Variants in TUBGCP6 observed in about 807,000 individuals in gnomAD.
TUBGCP6 encodes the protein tubulin gamma complex component 6.
TUBGCP6 carries 161 observed loss-of-function variants against 175.8 expected under a neutral mutation model. That is an observed-to-expected ratio of 0.92 (90% CI 0.81 to 1.04). The LOEUF (loss-of-function observed/expected upper bound fraction) is 1.04, where lower values mean the gene tolerates loss of function less well. TUBGCP6 is among the 50% of genes least tolerant of loss of function. The pLI is 0.00. For synonymous variants in TUBGCP6, 1,173 were observed against 1,030.5 expected (o/e 1.14, Z -2.65); for missense variants, 2,572 against 2,433.0 (o/e 1.06, Z -1.20).
chr22:50,223,171 G>C lies in TUBGCP6; in HGVS notation c.2271-579C>G, dbSNP rs9617121. On this transcript the variant is annotated intron_variant, in intron 13 of 24. Coordinates refer to ENST00000248846, the MANE Select transcript of TUBGCP6 (RefSeq NM_020461.4). ...CCTGGTTTTCTCCATGTGTTAACAGGACAGTATCGACTGACATACATGCAT... is the reference window on the plus strand; with the variant it reads ...CCTGGTTTTCTCCATGTGTTAACAGCACAGTATCGACTGACATACATGCAT... The C allele has an allele frequency of 6.8e-3, 1,056 of 154,728 alleles. 6 individuals are homozygous for C. Among genetic ancestry groups the C allele is most frequent in the Non-Finnish European group, 0.011 (771 of 69,614 alleles). 9.6% of individuals were successfully genotyped at this position (154,728 alleles called of 1,614,324 possible). A position where few individuals can be genotyped will look rare whatever the true frequency, so the allele number is the denominator to read the frequency against.
intron 3 of TUBGCP6, among the ~76,000 whole-genome samples, chr22:50,230,850 G>A (rs962158319): frequency 3.3e-5 from 5 of 150,058 alleles, no homozygotes; most frequent in Admixed American, 2.0e-4. Flanking sequence ...TTGGGAGGCC[G>A]AAGCAAGCGG....
At chr22:50,242,549 A>G (rs1367775687) in intron 1 of TUBGCP6, among the ~76,000 whole-genome samples, 2 of 152,246 alleles carry the variant, frequency 1.3e-5, no homozygotes, top group East Asian at 3.8e-4. Context: ...AGCATTATGT[A>G]TGTTTCTAAA....
chr22:50,222,332 C>T, intron 14 of TUBGCP6, 122 bp downstream of exon 14: 1 of 1,444,862 alleles, frequency 6.9e-7, no homozygotes, highest in Non-Finnish European at 9.4e-7. Flanking sequence ...GAGTGCTCTG[C>T]CGCAAACGCG....
chr22:50,238,436 A>G (rs2064802333), intron 2 of TUBGCP6, among the ~76,000 whole-genome samples: 1 of 151,442 alleles, frequency 6.6e-6, no homozygotes, highest in Admixed American at 6.6e-5. Flanking sequence ...CAACAGAACA[A>G]GACTCCGCCT....
At chr22:50,223,005 A>C in intron 13 of TUBGCP6, 2 of 162,834 alleles carry the variant, frequency 1.2e-5, no homozygotes, top group Non-Finnish European at 2.7e-5. Flanking sequence ...ACCAACACAA[A>C]CGCTTTATTT....
chr22:50,219,457 C>T lies in TUBGCP6; in HGVS notation c.4316-1G>A, dbSNP rs755339033. The T allele has an allele frequency of 1.3e-6, 2 of 1,582,040 alleles. No homozygotes were observed. The highest frequency in any genetic ancestry group is 2.3e-5 in the East Asian group (1 of 42,840). ...AAAAGATGAGCAATGGGCGGCTCGG[C>T]TGCGGGAGATGGAGCACGCACGTGC... On this transcript the variant is annotated splice_acceptor_variant, in intron 18 of 24. Transcript: ENST00000248846. LOFTEE classifies it high-confidence loss of function.
At position 50,221,352 on chromosome 22, in the gene TUBGCP6, G is replaced by A. The variant is rs2064519965; in HGVS notation, c.3007C>T (p.Leu1003=). 1.9e-6 allele frequency: 3 copies of A among 1,612,462 alleles called. No individual in the cohort carries two copies. The East Asian group carries it at 6.7e-5, about 36-fold the overall frequency. Residue 1003 remains leucine, a synonymous_variant, in exon 16 of 25, where the codon CTG becomes TTG. Transcript: ENST00000248846. The stretch of plus-strand genomic sequence containing the variant: ...CGCCTGGGTGGGTGTGAGGGGAGCA[G>A]AGTCTCCCGCGAGGCGGAGCCACAG... ...DACGSASRET[L]LPSHPPRRAA... is the part of the protein sequence containing the mutation.
chr22:50,220,380 GC>G lies in TUBGCP6; in HGVS notation c.3978del (p.Pro1327HisfsTer43). 4 of 1,568,512 alleles carry G rather than the reference GC, an allele frequency of 2.6e-6. No individual in the cohort carries two copies. Among genetic ancestry groups the G allele is most frequent in the Non-Finnish European group, 3.5e-6 (4 of 1,152,896 alleles). On this transcript the variant is annotated frameshift_variant, in exon 16 of 25. Transcript: ENST00000248846. LOFTEE classifies it high-confidence loss of function. The part of the protein sequence containing the change: ...DCGPRLPVEV[G>X]PSLSSPSSGC... ...CCCGAGCTGGGGGAGGACAGAGATGGCCCCACTTCTACAGGCAGCCGTGGCC... is the reference window on the plus strand; with the variant it reads ...CCCGAGCTGGGGGAGGACAGAGATGGCCCACTTCTACAGGCAGCCGTGGCC...
chr22:50,218,917 C>A lies in TUBGCP6; in HGVS notation c.4627-20G>T. ...TCCAAGCTAGGCAGAAAAGGGACCA[C>A]CGTCCCCAGGAGTCCCAAGCACATG... On this transcript the variant is annotated intron_variant, in intron 20 of 24. Transcript: ENST00000248846. 1 of 1,601,328 alleles carries A rather than the reference C, an allele frequency of 6.2e-7. No homozygotes were observed. Among genetic ancestry groups the A allele is most frequent in the Non-Finnish European group, 8.5e-7 (1 of 1,173,312 alleles).
Position 50,221,758 on chromosome 22 carries a change from C to T in TUBGCP6, c.2601G>A (p.Gln867=). ...CCCCCACTGCTAGAGGCTTAAGGGG[C>T]TGTGGGGTCAGCAGGCCTGGCCTGT... ...GWNRPGLLTP[Q]PLKPLAVGAG... The change falls in exon 16 of 25, where the codon CAG becomes CAA. Residue 867 remains glutamine, a synonymous_variant. Transcript: ENST00000248846. 1 of 1,515,252 alleles carries T rather than the reference C, an allele frequency of 6.6e-7. No individual in the cohort carries two copies. Among genetic ancestry groups the T allele is most frequent in the Admixed American group, 2.3e-5 (1 of 44,364 alleles). 93.9% of individuals were successfully genotyped at this position (1,515,252 alleles called of 1,614,324 possible). A position where few individuals can be genotyped will look rare whatever the true frequency, so the allele number is the denominator to read the frequency against.
chr22:50,229,495 A>G lies in TUBGCP6; in HGVS notation c.1199T>C (p.Val400Ala). Residue 400 changes from valine (V) to alanine (A), a missense_variant, in exon 4 of 25, where the codon GTG (valine) becomes GCG (alanine). Val to Ala is a moderately conservative substitution (Grantham distance 64). Coordinates refer to ENST00000248846, the MANE Select transcript of TUBGCP6 (RefSeq NM_020461.4). ...PESISSLLSEVAEYGTCYTRL... is the reference protein window; with the variant it reads ...PESISSLLSEAAEYGTCYTRL... ...CGTGTAGCAGGTCCCATACTCGGCC[A>G]CTTCCGAGAGCAGGCTGCTGATGCT... 1.2e-6 allele frequency: 2 copies of G among 1,611,548 alleles called. No homozygotes were observed. The highest frequency in any genetic ancestry group is 1.7e-6 in the Non-Finnish European group (2 of 1,179,126).
At chr22:50,240,878 A>C (rs1413063107) in intron 1 of TUBGCP6, among the ~76,000 whole-genome samples, 1 of 152,104 alleles carries the variant, frequency 6.6e-6, no homozygotes, top group Non-Finnish European at 1.5e-5. Context: ...GGTCCCAGCT[A>C]CTCGGGAGGC....
chr22:50,224,042 G>T, intron 13 of TUBGCP6, 99 bp downstream of exon 13: 1 of 1,097,760 alleles, frequency 9.1e-7, no homozygotes, highest in Non-Finnish European at 1.3e-6. Flanking sequence ...ATGTTTGAAG[G>T]TTTTCAAAAC....
intron 2 of TUBGCP6, 193 bp downstream of exon 2, chr22:50,240,011 G>A (rs1167431809): frequency 4.1e-6 from 3 of 736,186 alleles, no homozygotes; most frequent in Non-Finnish European, 4.5e-6. Flanking sequence ...CCTCCTTAAA[G>A]GCTGTTAGTG....
rs772614459 is a variant in TUBGCP6 at position 50,243,743 on chromosome 22, C to A, written c.717G>T (p.Ala239=). ...CCTTAATAGCCAGCCCAGAGAGGTC[C>A]GCATTGTCTGGCACGGGGGGCAGGC... The part of the protein sequence containing the change: ...RLGLPPVPDN[A]DLSGLAIKVP... Residue 239 remains alanine, a synonymous_variant, in exon 1 of 25, where the codon GCG becomes GCT. Transcript: ENST00000248846. The A allele has an allele frequency of 1.2e-6, 2 of 1,613,218 alleles. No homozygotes were observed. Among genetic ancestry groups the A allele is most frequent in the Non-Finnish European group, 1.7e-6 (2 of 1,179,736 alleles).
intron 14 of TUBGCP6, 39 bp from the exon 15 acceptor site, chr22:50,222,141 G>T (rs2064537008): frequency 6.3e-7 from 1 of 1,597,818 alleles, no homozygotes; most frequent in Non-Finnish European, 8.6e-7. Context: ...CCAAGCCGGA[G>T]TCAAGCACAG....
At chr22:50,242,197 C>T (rs902237695) in intron 1 of TUBGCP6, among the ~76,000 whole-genome samples, 4 of 151,616 alleles carry the variant, frequency 2.6e-5, no homozygotes, top group East Asian at 1.9e-4. Context: ...GAGGCTGAGG[C>T]GGGAGAATGG....
intron 1 of TUBGCP6, among the ~76,000 whole-genome samples, chr22:50,242,463 C>A (rs1010806986): frequency 5.3e-5 from 8 of 152,198 alleles, no homozygotes; most frequent in African/African-American, 1.9e-4. Flanking sequence ...CACCACTGCA[C>A]TCCAGCCTGG....
chr22:50,228,673 C>T (rs540862868), intron 4 of TUBGCP6, among the ~76,000 whole-genome samples: 1 of 152,114 alleles, frequency 6.6e-6, no homozygotes, highest in South Asian at 2.1e-4. Flanking sequence ...TCAAGTCCCC[C>T]GGGGCTGAGC....
Sources: allele counts gnomAD v4.1 joint callset (sites outside exome capture counted in the v4.1 genomes callset), GRCh38; gene constraint gnomAD v4.1.1; transcripts MANE v1.5; gene names NCBI Gene and HGNC (gene_info 2026-07-23, HGNC 2026-07-21).